Variants in SETBP1 observed in about 807,000 individuals in gnomAD.
SETBP1 encodes SET-binding protein.
A neutral mutation model predicts 101.0 loss-of-function variants in SETBP1; 9 were observed. The observed-to-expected ratio is 0.09, with a 90% CI of 0.05 to 0.16. The LOEUF (loss-of-function observed/expected upper bound fraction) is 0.16, where lower values mean the gene tolerates loss of function less well. Ranked by LOEUF, SETBP1 falls within the 10% of genes least tolerant of loss-of-function variation. The pLI, the probability that SETBP1 is intolerant of heterozygous loss-of-function variation, is 1.00. For synonymous variants in SETBP1, 818 were observed against 788.5 expected, an observed-to-expected ratio of 1.04 and a Z score of -0.63; for missense variants, 1,858 against 2,033.8, an observed-to-expected ratio of 0.91 and a Z score of 1.66.
chr18:44,906,706 C>T (rs192449349), intron 3 of SETBP1, among the ~76,000 whole-genome samples: 6 of 152,120 alleles, frequency 3.9e-5, no homozygotes, highest in Non-Finnish European at 1.5e-5. Context: ...ATAAAGAAAA[C>T]ACAACAGAAG....
At chr18:44,962,063 G>C (rs981109197) in intron 4 of SETBP1, among the ~76,000 whole-genome samples, 1 of 152,148 alleles carries the variant, frequency 6.6e-6, no homozygotes, top group Admixed American at 6.5e-5. Context: ...GGGACAATTA[G>C]GGAGACCAGA....
chr18:45,029,521 T>C (rs1396322267), intron 4 of SETBP1, among the ~76,000 whole-genome samples: 1 of 152,214 alleles, frequency 6.6e-6, no homozygotes. Flanking sequence ...ATATGAACTT[T>C]AAAGTAGTTT....
chr18:45,052,151 G>A lies in SETBP1; in HGVS notation c.4172-10928G>A, dbSNP rs529442527. 3.9e-5 allele frequency among the ~76,000 whole-genome samples: 6 copies of A among 152,324 alleles called. No homozygotes were observed. In the East Asian group the frequency reaches 9.6e-4, roughly 24 times the overall value. On this transcript the variant is annotated intron_variant, in intron 5 of 5. Transcript: ENST00000649279. Reference sequence around the variant, plus strand: ...TGTTTATTCCAAGCATGAATATGAAGGGCTAAGAGATGGTCCTTGTCCCTT... The same window carrying A: ...TGTTTATTCCAAGCATGAATATGAAAGGCTAAGAGATGGTCCTTGTCCCTT...
chr18:44,909,416 A>G lies in SETBP1; in HGVS notation c.540+40133A>G, dbSNP rs185601524. Among the ~76,000 whole-genome samples, 26 of 152,288 alleles carry G rather than the reference A, an allele frequency of 1.7e-4. No homozygotes were observed. In the East Asian group the frequency reaches 4.8e-3, roughly 28 times the overall value. On this transcript the variant is annotated intron_variant, in intron 3 of 5. Transcript: ENST00000649279. ...GTTCTCCTGGCTGACTGCAAATATA[A>G]CTCAGAGTGATGAAGATTACAAGGA...
At chr18:44,948,794 C>T (rs142353479) in intron 3 of SETBP1, among the ~76,000 whole-genome samples, 209 of 152,284 alleles carry the variant, frequency 1.4e-3, no homozygotes, top group African/African-American at 4.8e-3. Flanking sequence ...TATCTCCAAA[C>T]GATGTGTTCA....
chr18:44,908,207 C>G (rs1287770814), intron 3 of SETBP1, among the ~76,000 whole-genome samples: 1 of 151,908 alleles, frequency 6.6e-6, no homozygotes, highest in Non-Finnish European at 1.5e-5. Flanking sequence ...ATTACAGGCG[C>G]CCACCACCAT....
chr18:44,767,220 C>T (rs2070779260), intron 2 of SETBP1, among the ~76,000 whole-genome samples: 1 of 152,262 alleles, frequency 6.6e-6, no homozygotes, highest in Admixed American at 6.5e-5. Context: ...CGCTCATCTG[C>T]ATGGCCATTG....
intron 5 of SETBP1, among the ~76,000 whole-genome samples, chr18:45,050,778 C>G (rs1223960527): frequency 2.6e-5 from 4 of 152,196 alleles, no homozygotes; most frequent in Non-Finnish European, 4.4e-5. Context: ...CCTAATACTA[C>G]CTATAAATTC....
chr18:44,701,596 G>T lies in SETBP1; in HGVS notation c.250G>T (p.Asp84Tyr), dbSNP rs768285894. The change falls in exon 2 of 6, where the codon GAT becomes TAT. Residue 84 changes from aspartate (D) to tyrosine (Y), a missense_variant. Transcript: ENST00000649279. ...GGACAGTGAGAAATGGGTGGCAGGA[G>T]ATGGTTTGGAAGAGCAGGAATTTTC... ...NADSEKWVAG[D>Y]GLEEQEFSIK... 6.2e-7 allele frequency: 1 copy of T among 1,614,184 alleles called. No homozygotes were observed. The highest frequency in any genetic ancestry group is 1.1e-5 in the South Asian group (1 of 91,086).
intron 3 of SETBP1, among the ~76,000 whole-genome samples, chr18:44,932,078 T>C (rs4616370): frequency 0.53 from 81,027 of 152,026 alleles, 21,910 homozygotes; most frequent in East Asian, 0.73. Context: ...TGGCTGGTAC[T>C]GGTTGTTCCT....
At chr18:44,707,410 A>C (rs2144241264) in intron 2 of SETBP1, among the ~76,000 whole-genome samples, 1 of 152,328 alleles carries the variant, frequency 6.6e-6, no homozygotes, top group South Asian at 2.1e-4. Flanking sequence ...ACAAAAATAC[A>C]ACTTCTATTT....
chr18:45,018,731 C>G (rs2072998846), intron 4 of SETBP1, among the ~76,000 whole-genome samples: 1 of 152,140 alleles, frequency 6.6e-6, no homozygotes, highest in African/African-American at 2.4e-5. Flanking sequence ...AATTTTTCTG[C>G]TCAAAACAGA....
intron 2 of SETBP1, among the ~76,000 whole-genome samples, chr18:44,834,245 C>T (rs1190110103): frequency 1.3e-5 from 2 of 152,144 alleles, no homozygotes; most frequent in Non-Finnish European, 2.9e-5. Flanking sequence ...GGGCTGGGGC[C>T]TCATTTACTG....
Position 45,063,113 on chromosome 18 carries a change from G to A in SETBP1, c.4206G>A (p.Arg1402=). ...GSSLKKRFKR[R]EIEAIQCEVR... is the part of the protein sequence containing the mutation. ...CCCTGAAGAAGAGGTTCAAGCGGCG[G>A]GAGATCGAAGCCATCCAGTGCGAAG... Residue 1402 remains arginine (R), a synonymous_variant, in exon 6 of 6, where the codon CGG becomes CGA. Coordinates refer to ENST00000649279, the MANE Select transcript of SETBP1 (RefSeq NM_015559.3). The A allele has an allele frequency of 6.2e-7, 1 of 1,614,006 alleles. No individual in the cohort carries two copies. The highest frequency in any genetic ancestry group is 2.2e-5 in the East Asian group (1 of 44,838).
In SETBP1 at chr18:45,006,590, G is replaced by A. The variant is rs559071141; in HGVS notation, c.4001-31895G>A. Among the ~76,000 whole-genome samples, 9 of 152,222 alleles carry A rather than the reference G, an allele frequency of 5.9e-5. No individual in the cohort carries two copies. In the South Asian group the frequency reaches 6.2e-4, roughly 11 times the overall value. On this transcript the variant is annotated intron_variant, in intron 4 of 5. Coordinates refer to ENST00000649279, the MANE Select transcript of SETBP1 (RefSeq NM_015559.3). ...GCATTCTTTGGCTTATGTATGCATC[G>A]CCCCTAACTCTGCCTTCATTTCTTA... is the stretch of plus-strand genomic sequence containing the variant.
intron 2 of SETBP1, among the ~76,000 whole-genome samples, chr18:44,702,504 T>G (rs898281562): frequency 5.9e-5 from 9 of 152,244 alleles, no homozygotes; most frequent in African/African-American, 2.2e-4. Context: ...ATTGTAATTT[T>G]GGAAAGTTCC....
At chr18:44,736,302 C>G (rs1437778796) in intron 2 of SETBP1, among the ~76,000 whole-genome samples, 1 of 152,144 alleles carries the variant, frequency 6.6e-6, no homozygotes, top group Non-Finnish European at 1.5e-5. Flanking sequence ...TCATTTGAGC[C>G]TGGGAGGTCG....
chr18:44,923,131 A>T (rs1213038721), intron 3 of SETBP1, among the ~76,000 whole-genome samples: 2 of 152,186 alleles, frequency 1.3e-5, no homozygotes, highest in Non-Finnish European at 2.9e-5. Context: ...AGCTTCAGGG[A>T]TCACCTCATC....
At chr18:44,962,069 C>G (rs1344514642) in intron 4 of SETBP1, among the ~76,000 whole-genome samples, 1 of 152,000 alleles carries the variant, frequency 6.6e-6, no homozygotes, top group African/African-American at 2.4e-5. Context: ...ATTAGGGAGA[C>G]CAGAAGGAAA....
Sources: allele counts gnomAD v4.1 joint callset (sites outside exome capture counted in the v4.1 genomes callset), GRCh38; gene constraint gnomAD v4.1.1; transcripts MANE v1.5; gene names NCBI Gene and HGNC (gene_info 2026-07-23, HGNC 2026-07-21).